The following NBEA variants were observed in gnomAD, a reference collection of about 807,000 sequenced individuals.
NBEA encodes the protein neurobeachin.
In NBEA, 44 loss-of-function variants were observed where a neutral mutation model predicts 343.4. That is an observed-to-expected ratio of 0.13 (90% CI 0.10 to 0.16). NBEA has a LOEUF of 0.16. NBEA is among the 10% of genes least tolerant of loss of function. The probability of loss-of-function intolerance (pLI) is 1.00; values close to 1 mark genes in which losing one functional copy is unlikely to be tolerated. For missense variants in NBEA, 2,555 were observed against 3,631.3 expected (o/e 0.70, Z 7.62); for synonymous variants, 1,175 against 1,238.7 (o/e 0.95, Z 1.08).
intron 41 of NBEA, among the ~76,000 whole-genome samples, chr13:35,535,624 T>C (rs1386825723): frequency 6.6e-6 from 1 of 152,172 alleles, no homozygotes; most frequent in Non-Finnish European, 1.5e-5. Context: ...CCCCACTTGA[T>C]ACTTGCTGTG....
chr13:35,141,818 G>A (rs2068108931), intron 17 of NBEA, among the ~76,000 whole-genome samples: 1 of 152,164 alleles, frequency 6.6e-6, no homozygotes, highest in African/African-American at 2.4e-5. Flanking sequence ...AATTAAGCTA[G>A]AGTATTTATT....
intron 38 of NBEA, among the ~76,000 whole-genome samples, chr13:35,402,826 C>T (rs1338086371): frequency 6.6e-6 from 1 of 152,042 alleles, no homozygotes; most frequent in Admixed American, 6.6e-5. Flanking sequence ...GCAGACTTCA[C>T]GAAGGCAGAC....
At chr13:35,282,336 A>G (rs1306129215) in intron 34 of NBEA, among the ~76,000 whole-genome samples, 1 of 152,156 alleles carries the variant, frequency 6.6e-6, no homozygotes, top group Non-Finnish European at 1.5e-5. Context: ...TATTTCTTGA[A>G]ATGATGTGTA....
intron 34 of NBEA, among the ~76,000 whole-genome samples, chr13:35,285,792 A>C (rs766642413): frequency 1.3e-5 from 2 of 152,090 alleles, no homozygotes; most frequent in African/African-American, 4.8e-5. Context: ...CCTGCTTAAA[A>C]TCCTGTAGTG....
chr13:35,159,533 A>T lies in NBEA; in HGVS notation c.3362A>T (p.Asn1121Ile). The change falls in exon 22 of 59, where the codon AAT becomes ATT. Residue 1121 changes from asparagine to isoleucine, a missense_variant. This residue lies in a region of NBEA where 367 missense variants were observed against 377.5 expected (regional missense o/e 0.97). Coordinates refer to ENST00000379939, the MANE Select transcript of NBEA (RefSeq NM_001385012.1). ...GGAAGTGTTGGTATCATTAAAAAAA[A>T]TGAAGAAAAGGATAATGGTCCATTG... ...VHGSVGIIKKNEEKDNGPLIT... is the reference protein window; with the variant it reads ...VHGSVGIIKKIEEKDNGPLIT... The T allele has an allele frequency of 6.2e-7, 1 of 1,612,934 alleles. No homozygotes were observed. Among genetic ancestry groups the T allele is most frequent in the Non-Finnish European group, 8.5e-7 (1 of 1,179,578 alleles).
chr13:35,030,295 A>G (rs17068338), intron 1 of NBEA, among the ~76,000 whole-genome samples: 3,507 of 148,998 alleles, frequency 0.024, 57 homozygotes, highest in South Asian at 0.075. Flanking sequence ...ATTATGGTCT[A>G]CTACATGTAG....
chr13:35,139,760 T>TG (rs1566350329), intron 17 of NBEA, among the ~76,000 whole-genome samples: 3 of 146,508 alleles, frequency 2.0e-5, no homozygotes, highest in Admixed American at 6.8e-5. Flanking sequence ...TTTTTTTTTT[T>TG]TTTTTTTTTT....
chr13:35,258,249 C>T (rs1213492785), intron 34 of NBEA, among the ~76,000 whole-genome samples: 2 of 151,912 alleles, frequency 1.3e-5, no homozygotes, highest in East Asian at 3.9e-4. Flanking sequence ...CTCTCTGCAA[C>T]CTCCACCTCC....
chr13:35,350,728 A>ATGTGTG (rs34088295), intron 37 of NBEA, among the ~76,000 whole-genome samples: 1,740 of 137,902 alleles, frequency 0.013, 12 homozygotes, highest in Admixed American at 0.019. Context: ...AGAGCTATTG[A>ATGTGTG]TGTGTGTGTG....
At chr13:35,019,056 T>A (rs1325187863) in intron 1 of NBEA, among the ~76,000 whole-genome samples, 2 of 152,032 alleles carry the variant, frequency 1.3e-5, no homozygotes, top group African/African-American at 2.4e-5. Flanking sequence ...TTTGAGTTTT[T>A]TTTTTTTATT....
At chr13:35,346,640 A>G (rs1371387325) in intron 36 of NBEA, among the ~76,000 whole-genome samples, 1 of 152,068 alleles carries the variant, frequency 6.6e-6, no homozygotes, top group African/African-American at 2.4e-5. Context: ...TCCCATTAGA[A>G]TGTGTCTATG....
At chr13:35,600,197 C>T (rs1220897640) in intron 47 of NBEA, among the ~76,000 whole-genome samples, 1 of 152,084 alleles carries the variant, frequency 6.6e-6, no homozygotes, top group Non-Finnish European at 1.5e-5. Context: ...TTTGTATCAC[C>T]GATTTCAGGA....
chr13:35,589,806 T>A (rs2081447294), intron 46 of NBEA, among the ~76,000 whole-genome samples: 1 of 152,068 alleles, frequency 6.6e-6, no homozygotes. Flanking sequence ...TACTTTCCAG[T>A]GCAGGCAAGG....
intron 38 of NBEA, among the ~76,000 whole-genome samples, chr13:35,403,615 T>C (rs1249373643): frequency 1.3e-5 from 2 of 152,084 alleles, no homozygotes; most frequent in African/African-American, 2.4e-5. Context: ...CAAGATGGAT[T>C]AGAGACTTAA....
At chr13:35,277,748 C>G (rs1419125410) in intron 34 of NBEA, among the ~76,000 whole-genome samples, 1 of 150,064 alleles carries the variant, frequency 6.7e-6, no homozygotes, top group African/African-American at 2.5e-5. Context: ...AACCTAGATT[C>G]TAGTCATTCT....
chr13:34,965,980 G>T lies in NBEA; in HGVS notation c.294+22866G>T, dbSNP rs2059808168. On this transcript the variant is annotated intron_variant, in intron 1 of 58. Coordinates refer to ENST00000379939, the MANE Select transcript of NBEA (RefSeq NM_001385012.1). ...TAATATTAGTAGGAGCTCTTCATGAGAAGAAACACTATTACATTAAAGGTA... is the reference window on the plus strand; with the variant it reads ...TAATATTAGTAGGAGCTCTTCATGATAAGAAACACTATTACATTAAAGGTA... Among the ~76,000 whole-genome samples the T allele has an allele frequency of 2.0e-5, 3 of 151,960 alleles. No homozygotes were observed. The South Asian group carries it at 6.2e-4, about 32-fold the overall frequency.
At chr13:35,197,660 G>A (rs975220727) in intron 31 of NBEA, among the ~76,000 whole-genome samples, 4 of 151,824 alleles carry the variant, frequency 2.6e-5, no homozygotes, top group African/African-American at 2.4e-5. Flanking sequence ...CTGCCACCAC[G>A]CCTGGCTAAT....
intron 18 of NBEA, among the ~76,000 whole-genome samples, chr13:35,149,295 T>A (rs75005244): frequency 6.6e-6 from 1 of 152,180 alleles, no homozygotes; most frequent in Non-Finnish European, 1.5e-5. Context: ...TCCCTCATCA[T>A]AGTAACTGTT....
At chr13:35,107,055 C>T in intron 11 of NBEA, among the ~76,000 whole-genome samples, 1 of 151,610 alleles carries the variant, frequency 6.6e-6, no homozygotes, top group Admixed American at 6.6e-5. Flanking sequence ...AGATCATGTT[C>T]TTGAAATCAT....
Sources: allele counts gnomAD v4.1 joint callset (sites outside exome capture counted in the v4.1 genomes callset), GRCh38; gene constraint gnomAD v4.1.1; regional missense constraint gnomAD v4.1.1; transcripts MANE v1.5; gene names NCBI Gene and HGNC (gene_info 2026-07-23, HGNC 2026-07-21).